The following EPHB1 variants were observed in gnomAD, a reference collection of about 807,000 sequenced individuals.
EPHB1 encodes the protein ephrin type-B receptor 1.
In EPHB1, 30 loss-of-function variants were observed where a neutral mutation model predicts 94.4. The observed-to-expected ratio is 0.32, with a 90% CI of 0.24 to 0.43. The LOEUF is 0.43. EPHB1 is among the 20% of genes least tolerant of loss of function. EPHB1 has a pLI of 1.00. For synonymous variants in EPHB1, 522 were observed against 489.1 expected, an observed-to-expected ratio of 1.07 and a Z score of -0.89; for missense variants, 1,055 against 1,308.3, an observed-to-expected ratio of 0.81 and a Z score of 2.99.
chr3:134,809,401 A>G (rs2036125589), intron 1 of EPHB1, among the ~76,000 whole-genome samples: 1 of 151,912 alleles, frequency 6.6e-6, no homozygotes. Context: ...ACAGTAGCAC[A>G]ATGCTGCTGA....
chr3:135,033,183 G>C (rs1936539833), intron 3 of EPHB1, among the ~76,000 whole-genome samples: 1 of 152,136 alleles, frequency 6.6e-6, no homozygotes, highest in Admixed American at 6.5e-5. Context: ...GGCAGCATGG[G>C]GGAATTCCTT....
At chr3:135,074,848 G>A (rs1937853106) in intron 3 of EPHB1, among the ~76,000 whole-genome samples, 1 of 152,144 alleles carries the variant, frequency 6.6e-6, no homozygotes. Flanking sequence ...CATGTAAGCA[G>A]CATCAGAGGG....
At chr3:134,931,253 C>A (rs915215730) in intron 2 of EPHB1, among the ~76,000 whole-genome samples, 2 of 152,220 alleles carry the variant, frequency 1.3e-5, no homozygotes, top group African/African-American at 4.8e-5. Flanking sequence ...AGAAGAAAGT[C>A]CCTGTTGCTT....
chr3:134,938,919 G>A (rs2039062027), intron 2 of EPHB1, among the ~76,000 whole-genome samples: 1 of 152,162 alleles, frequency 6.6e-6, no homozygotes, highest in Non-Finnish European at 1.5e-5. Flanking sequence ...CTTACCCCGG[G>A]CTAAGCTGGG....
At chr3:135,106,691 A>G (rs1025650664) in intron 4 of EPHB1, 88 bp downstream of exon 4, 20 of 1,511,772 alleles carry the variant, frequency 1.3e-5, no homozygotes, top group Non-Finnish European at 1.6e-5. Flanking sequence ...AGAAGACATC[A>G]TCCTTTGATC....
chr3:135,077,496 C>A (rs1291147183), intron 3 of EPHB1, among the ~76,000 whole-genome samples: 2 of 152,210 alleles, frequency 1.3e-5, no homozygotes, highest in Non-Finnish European at 2.9e-5. Flanking sequence ...GATGAGCATG[C>A]CCTGCTTTCT....
chr3:134,832,482 C>T (rs1343778281), intron 1 of EPHB1, among the ~76,000 whole-genome samples: 1 of 152,194 alleles, frequency 6.6e-6, no homozygotes, highest in Non-Finnish European at 1.5e-5. Flanking sequence ...GGCGGTTGCT[C>T]TTCTGTCTTC....
intron 3 of EPHB1, among the ~76,000 whole-genome samples, chr3:134,993,964 C>T (rs993059326): frequency 3.3e-5 from 5 of 152,198 alleles, no homozygotes; most frequent in Non-Finnish European, 7.3e-5. Flanking sequence ...TCCCCACTTT[C>T]TATTCATTTG....
intron 11 of EPHB1, among the ~76,000 whole-genome samples, chr3:135,197,599 A>G (rs915630050): frequency 1.3e-5 from 2 of 152,248 alleles, no homozygotes; most frequent in Admixed American, 6.5e-5. Context: ...GGATTCGTCA[A>G]TGAAAGTTGA....
intron 2 of EPHB1, among the ~76,000 whole-genome samples, chr3:134,932,810 T>G (rs2038930788): frequency 6.6e-6 from 1 of 152,134 alleles, no homozygotes; most frequent in Non-Finnish European, 1.5e-5. Flanking sequence ...CCAAGAGAAA[T>G]TTAGCTCTGG....
intron 3 of EPHB1, among the ~76,000 whole-genome samples, chr3:135,091,501 C>T (rs1393170383): frequency 6.6e-5 from 10 of 152,148 alleles, no homozygotes; most frequent in South Asian, 2.1e-4. Flanking sequence ...ATGTCTGCCA[C>T]GGCAGGCATG....
At position 135,260,071 on chromosome 3, in the gene EPHB1, G is replaced by T. The variant is rs1356756744; in HGVS notation, c.*951G>T. On this transcript the variant is annotated 3_prime_UTR_variant, in exon 16 of 16. Transcript: ENST00000398015. Reference sequence around the variant, plus strand: ...GGAAAAAAAAAAGTTTGCAAATTCAGACAGGAAACAGGTGAGTGGTTTGAA... The same window carrying T: ...GGAAAAAAAAAAGTTTGCAAATTCATACAGGAAACAGGTGAGTGGTTTGAA... The T allele has an allele frequency of 8.6e-6, 2 of 232,984 alleles. No individual in the cohort carries two copies. Among genetic ancestry groups the T allele is most frequent in the Non-Finnish European group, 1.7e-5 (2 of 117,668 alleles). The allele number at this position is 232,984 out of a possible 1,614,324, so 14.4% of individuals were successfully genotyped here.
intron 5 of EPHB1, among the ~76,000 whole-genome samples, chr3:135,152,816 A>G (rs1284163171): frequency 2.6e-5 from 4 of 152,186 alleles, no homozygotes. Flanking sequence ...GATGGACTGC[A>G]GAGTGCAGGA....
intron 3 of EPHB1, among the ~76,000 whole-genome samples, chr3:135,039,417 C>T (rs536430464): frequency 3.9e-5 from 6 of 152,238 alleles, no homozygotes; most frequent in African/African-American, 7.2e-5. Context: ...AGTCCTGCAC[C>T]GTGCGCTCGC....
chr3:135,246,803 G>C (rs1462762676), intron 13 of EPHB1, among the ~76,000 whole-genome samples: 1 of 152,134 alleles, frequency 6.6e-6, no homozygotes, highest in Non-Finnish European at 1.5e-5. Flanking sequence ...TAAAATTGAT[G>C]TGGTTTGTAT....
At chr3:134,815,762 A>AT (rs148063126) in intron 1 of EPHB1, among the ~76,000 whole-genome samples, 8,453 of 152,240 alleles carry the variant, frequency 0.056, 305 homozygotes, top group Middle Eastern at 0.13. Context: ...ACTTTCTTTG[A>AT]TGGGGTCATA....
intron 3 of EPHB1, among the ~76,000 whole-genome samples, chr3:135,072,498 G>C (rs1054613560): frequency 6.6e-6 from 1 of 152,074 alleles, no homozygotes; most frequent in Non-Finnish European, 1.5e-5. Flanking sequence ...ACCTGACTCC[G>C]TTCTGCTCTC....
chr3:135,197,537 CTA>C (rs2107711730), intron 11 of EPHB1, among the ~76,000 whole-genome samples: 1 of 152,306 alleles, frequency 6.6e-6, no homozygotes, highest in East Asian at 1.9e-4. Flanking sequence ...TAGAAAAAAT[CTA>C]TGATTCATTT....
chr3:135,084,353 G>A (rs543889268), intron 3 of EPHB1, among the ~76,000 whole-genome samples: 34 of 152,176 alleles, frequency 2.2e-4, no homozygotes, highest in African/African-American at 6.3e-4. Flanking sequence ...TCACCCACCC[G>A]TACAGCCTAG....
Sources: allele counts gnomAD v4.1 joint callset (sites outside exome capture counted in the v4.1 genomes callset), GRCh38; gene constraint gnomAD v4.1.1; transcripts MANE v1.5; gene names NCBI Gene and HGNC (gene_info 2026-07-23, HGNC 2026-07-21).